MGAT3: variants seen among roughly 807,000 people sequenced by gnomAD.
The protein encoded by MGAT3 is beta-1,4-mannosyl-glycoprotein 4-beta-N-acetylglucosaminyltransferase.
A neutral mutation model predicts 29.8 loss-of-function variants in MGAT3; 9 were observed. The ratio of observed to expected loss-of-function variants is 0.30; its 90% CI spans 0.18 to 0.53. The LOEUF (loss-of-function observed/expected upper bound fraction) is 0.53. MGAT3 is among the 20% of genes least tolerant of loss of function. The probability of loss-of-function intolerance (pLI) is 0.96; values close to 1 mark genes in which losing one functional copy is unlikely to be tolerated. For missense variants in MGAT3, 557 were observed against 769.5 expected (o/e 0.72, Z 3.27); for synonymous variants, 397 against 348.9 (o/e 1.14, Z -1.54).
chr22:39,484,278 T>G (rs1929208756), intron 1 of MGAT3, among the ~76,000 whole-genome samples: 2 of 152,208 alleles, frequency 1.3e-5, no homozygotes, highest in Admixed American at 1.3e-4. Context: ...GAACAAGAGC[T>G]TATTGAGCAT....
intron 1 of MGAT3, among the ~76,000 whole-genome samples, chr22:39,482,594 T>A (rs1601728095): frequency 6.6e-6 from 1 of 152,228 alleles, no homozygotes; most frequent in African/African-American, 2.4e-5. Context: ...AGACCCTGAG[T>A]GCCAGTGCTT....
intron 1 of MGAT3, among the ~76,000 whole-genome samples, chr22:39,463,471 C>T (rs905367432): frequency 2.1e-4 from 32 of 152,346 alleles, no homozygotes; most frequent in African/African-American, 7.7e-4. Context: ...CCAGGCTTCC[C>T]CTTCAAGGCC....
At chr22:39,481,810 G>A (rs1929134204) in intron 1 of MGAT3, among the ~76,000 whole-genome samples, 1 of 152,264 alleles carries the variant, frequency 6.6e-6, no homozygotes, top group African/African-American at 2.4e-5. Context: ...TCATCTCCCT[G>A]GCCTCGGTTT....
chr22:39,483,425 T>C (rs1383860795), intron 1 of MGAT3, among the ~76,000 whole-genome samples: 1 of 151,798 alleles, frequency 6.6e-6, no homozygotes, highest in Non-Finnish European at 1.5e-5. Context: ...GCAGAGGTTG[T>C]GGTGAGCTGA....
rs1212514534 is a variant in MGAT3, at chr22:39,466,066, C to T, written c.-2+8509C>T. 1.3e-5 allele frequency among the ~76,000 whole-genome samples: 2 copies of T among 152,170 alleles called. 1 individual carries two copies. Among genetic ancestry groups the T allele is most frequent in the African/African-American group, 4.8e-5 (2 of 41,442 alleles). ...AAGAGAAAGGCCTGCGAGGAAGGCCCAGTCAGAAGCCAGCCAGGCCCAGGG... is the reference window on the plus strand; with the variant it reads ...AAGAGAAAGGCCTGCGAGGAAGGCCTAGTCAGAAGCCAGCCAGGCCCAGGG... On this transcript the variant is annotated intron_variant, in intron 1 of 1. Coordinates refer to ENST00000341184, the MANE Select transcript of MGAT3 (RefSeq NM_002409.5).
At chr22:39,468,884 G>T (rs1928729290) in intron 1 of MGAT3, among the ~76,000 whole-genome samples, 1 of 151,968 alleles carries the variant, frequency 6.6e-6, no homozygotes, top group Non-Finnish European at 1.5e-5. Flanking sequence ...CAGGCACGGA[G>T]ATTGAAGGGT....
At chr22:39,482,201 G>C (rs1278575493) in intron 1 of MGAT3, among the ~76,000 whole-genome samples, 1 of 143,856 alleles carries the variant, frequency 7.0e-6, no homozygotes, top group Admixed American at 7.2e-5. Flanking sequence ...TGCCCAAGCT[G>C]GTCTTGAACT....
rs746635937 is a variant in MGAT3, at chr22:39,488,211, C to T, written c.864C>T (p.Ala288=). ...PPGGRQDGWI[A]DDYLRTFLTQ... Reference sequence around the variant, plus strand: ...GCGGCCGGCAGGACGGCTGGATCGCCGACGACTACCTGCGCACCTTCCTCA... The same window carrying T: ...GCGGCCGGCAGGACGGCTGGATCGCTGACGACTACCTGCGCACCTTCCTCA... The change falls in exon 2 of 2, where the codon GCC becomes GCT. Residue 288 remains alanine (A), a synonymous_variant. Transcript: ENST00000341184. 4 of 1,612,668 alleles carry T rather than the reference C, an allele frequency of 2.5e-6. No homozygotes were observed. The highest frequency in any genetic ancestry group is 2.2e-5 in the East Asian group (1 of 44,858).
At chr22:39,468,190 G>A (rs939483408) in intron 1 of MGAT3, among the ~76,000 whole-genome samples, 2 of 152,220 alleles carry the variant, frequency 1.3e-5, no homozygotes, top group Non-Finnish European at 2.9e-5. Context: ...ACCCCCAGCA[G>A]GAAGCTAACT....
intron 1 of MGAT3, among the ~76,000 whole-genome samples, chr22:39,463,050 C>T (rs1296813547): frequency 6.6e-6 from 1 of 152,124 alleles, no homozygotes; most frequent in African/African-American, 2.4e-5. Flanking sequence ...GGAGGCCGGC[C>T]CGAGTGGGTT....
At chr22:39,458,390 T>G (rs1035959635) in intron 1 of MGAT3, among the ~76,000 whole-genome samples, 2 of 152,072 alleles carry the variant, frequency 1.3e-5, no homozygotes, top group African/African-American at 4.8e-5. Flanking sequence ...GCAGACACAC[T>G]ACCCCAGTGG....
At chr22:39,478,844 T>C (rs1055938287) in intron 1 of MGAT3, among the ~76,000 whole-genome samples, 2 of 152,088 alleles carry the variant, frequency 1.3e-5, no homozygotes, top group Non-Finnish European at 2.9e-5. Context: ...TCACAGCCCG[T>C]CAGGCTTCCA....
Position 39,487,569 on chromosome 22 carries a change from C to G in MGAT3, c.222C>G (p.Leu74=). 1 of 1,612,480 alleles carries G rather than the reference C, an allele frequency of 6.2e-7. No individual in the cohort carries two copies. The highest frequency in any genetic ancestry group is 1.1e-5 in the South Asian group (1 of 91,064). The part of the protein sequence containing the change: ...PGGPDLLRTP[L]YSHSPLLQPL... The stretch of plus-strand genomic sequence containing the variant: ...GCCCTGACCTGCTGCGTACCCCACT[C>G]TACTCCCACTCGCCCCTGCTGCAGC... The change falls in exon 2 of 2, where the codon CTC becomes CTG. Residue 74 remains leucine (L), a synonymous_variant. Coordinates refer to ENST00000341184, the MANE Select transcript of MGAT3 (RefSeq NM_002409.5). This position sits in a 1 kb window ranked among gnomAD's most constrained non-coding sequence, Gnocchi z 5.7.
intron 1 of MGAT3, among the ~76,000 whole-genome samples, chr22:39,481,476 C>T (rs1377836505): frequency 2.0e-5 from 3 of 152,202 alleles, no homozygotes; most frequent in African/African-American, 7.2e-5. Context: ...GATTTTGGTC[C>T]GTCCTGTCTC....
At chr22:39,468,205 C>T (rs1928710289) in intron 1 of MGAT3, among the ~76,000 whole-genome samples, 1 of 152,234 alleles carries the variant, frequency 6.6e-6, no homozygotes, top group South Asian at 2.1e-4. Context: ...CTAACTGATG[C>T]TCAGGTTCCC....
intron 1 of MGAT3, among the ~76,000 whole-genome samples, chr22:39,485,862 T>A (rs1408167481): frequency 6.6e-6 from 1 of 152,196 alleles, no homozygotes; most frequent in African/African-American, 2.4e-5. Flanking sequence ...GCATCTCCAT[T>A]CCACAGCCAT....
rs1929356430 is a variant in MGAT3, at chr22:39,488,510, C to T, written c.1163C>T (p.Thr388Ile). 1 of 1,613,134 alleles carries T rather than the reference C, an allele frequency of 6.2e-7. No homozygotes were observed. ...GIRLRRRQYY[T>I]MPNFRQYENR... Reference sequence around the variant, plus strand: ...CGCCTGCGCCGCCGCCAGTACTACACCATGCCCAACTTCAGACAGTATGAG... The same window carrying T: ...CGCCTGCGCCGCCGCCAGTACTACATCATGCCCAACTTCAGACAGTATGAG... The change falls in exon 2 of 2, where the codon ACC becomes ATC. Residue 388 changes from threonine to isoleucine, a missense_variant. Thr to Ile is a moderately conservative substitution (Grantham distance 89, BLOSUM62 -1). Transcript: ENST00000341184.
intron 1 of MGAT3, among the ~76,000 whole-genome samples, chr22:39,460,199 C>A (rs1397054099): frequency 3.9e-5 from 6 of 152,214 alleles, no homozygotes; most frequent in Non-Finnish European, 8.8e-5. Context: ...TAGCCATCTC[C>A]AAGCCCTTCA....
chr22:39,463,389 C>T (rs1055594358), intron 1 of MGAT3, among the ~76,000 whole-genome samples: 3 of 152,160 alleles, frequency 2.0e-5, no homozygotes, highest in East Asian at 1.9e-4. Flanking sequence ...CCTTCTCTCC[C>T]GTGGGCTCCC....
Sources: gnomAD v4.1 joint callset for allele counts (sites outside exome capture counted in the v4.1 genomes callset) on GRCh38, gnomAD v4.1.1 for gene constraint, Gnocchi (gnomAD v3.1) non-coding constraint, MANE v1.5 for transcripts, NCBI Gene and HGNC (gene_info 2026-07-23, HGNC 2026-07-21) for gene names.